The following NAALADL2 variants were observed in gnomAD, a reference collection of about 807,000 sequenced individuals.
NAALADL2 encodes the protein N-acetylated alpha-linked acidic dipeptidase like 2, also known as inactive N-acetylated-alpha-linked acidic dipeptidase-like protein 2.
In NAALADL2, 76 loss-of-function variants were observed where a neutral mutation model predicts 87.2. That is an observed-to-expected ratio of 0.87 (90% CI 0.72 to 1.05). NAALADL2 has a LOEUF of 1.05. NAALADL2 is among the 50% of genes least tolerant of loss of function. The probability of loss-of-function intolerance (pLI) is 0.00; values close to 1 mark genes in which losing one functional copy is unlikely to be tolerated. For synonymous variants in NAALADL2, 354 were observed against 331.0 expected (o/e 1.07, Z -0.75); for missense variants, 1,089 against 945.8 (o/e 1.15, Z -1.99).
At chr3:175,206,262 ATT>A (rs372246885) in intron 2 of NAALADL2, among the ~76,000 whole-genome samples, 5,681 of 103,000 alleles carry the variant, frequency 0.055, 308 homozygotes, top group Middle Eastern at 0.083. Flanking sequence ...ATATATATAT[ATT>A]TTTTTTTTTC....
chr3:174,843,663 G>T (rs1333220382), intron 3 of NAALADL2, among the ~76,000 whole-genome samples: 2 of 152,072 alleles, frequency 1.3e-5, no homozygotes, highest in African/African-American at 4.8e-5. Context: ...ACAACAATGT[G>T]TAAGTGTTCC....
intron 1 of NAALADL2, among the ~76,000 whole-genome samples, chr3:174,519,726 A>G (rs2108408722): frequency 6.6e-6 from 1 of 152,250 alleles, no homozygotes; most frequent in Non-Finnish European, 1.5e-5. Context: ...ACTAACCAGA[A>G]TTAAAAGCAA....
At chr3:175,579,937 C>T (rs1050772287) in intron 10 of NAALADL2, among the ~76,000 whole-genome samples, 3 of 152,122 alleles carry the variant, frequency 2.0e-5, no homozygotes, top group Non-Finnish European at 4.4e-5. Context: ...AATTGAAGCT[C>T]TGATTCCTCA....
At chr3:174,457,393 CACAT>C (rs1313209437) in intron 1 of NAALADL2, among the ~76,000 whole-genome samples, 1 of 152,176 alleles carries the variant, frequency 6.6e-6, no homozygotes, top group Non-Finnish European at 1.5e-5. Flanking sequence ...ATAATAAAGA[CACAT>C]GCATGTGTCA....
chr3:175,506,158 A>G (rs1283874444), intron 9 of NAALADL2, among the ~76,000 whole-genome samples: 1 of 152,192 alleles, frequency 6.6e-6, no homozygotes, highest in African/African-American at 2.4e-5. Context: ...CTTTTTGCTC[A>G]GGTGAAATGG....
intron 2 of NAALADL2, among the ~76,000 whole-genome samples, chr3:174,552,795 C>CAAAAAA (rs1164243901): frequency 1.3e-4 from 7 of 55,972 alleles, no homozygotes; most frequent in Admixed American, 2.3e-4. Context: ...GACCCTGCCT[C>CAAAAAA]AAAAAAAAAA....
rs1754834685 is a variant in NAALADL2 at position 175,807,754 on chromosome 3, T to C, written c.*4551T>C. On this transcript the variant is annotated 3_prime_UTR_variant, in exon 14 of 14. Coordinates refer to ENST00000454872, the MANE Select transcript of NAALADL2 (RefSeq NM_207015.3). ...TATTCTGCCCAGCCACACTGGTGAG[T>C]TTTTATTTCTTGTATGAGTTTAAAT... The C allele has an allele frequency of 6.6e-6, 1 of 151,660 alleles. No individual in the cohort carries two copies. The highest frequency in any genetic ancestry group is 1.5e-5 in the Non-Finnish European group (1 of 67,822). The allele number at this position is 151,660 out of a possible 1,614,324, so 9.4% of individuals were successfully genotyped here. A position where few individuals can be genotyped will look rare whatever the true frequency, so the allele number is the denominator to read the frequency against.
At chr3:175,192,861 A>G (rs75060190) in intron 2 of NAALADL2, among the ~76,000 whole-genome samples, 381 of 152,016 alleles carry the variant, frequency 2.5e-3, no homozygotes, top group South Asian at 5.4e-3. Flanking sequence ...AATGATTTTG[A>G]TCAGTTTAAA....
chr3:175,511,289 A>G (rs1582193678), intron 9 of NAALADL2, among the ~76,000 whole-genome samples: 1 of 152,210 alleles, frequency 6.6e-6, no homozygotes, highest in Admixed American at 6.5e-5. Context: ...CCTAGTCTCT[A>G]GTACCTCAGA....
chr3:175,164,260 T>A (rs1221572917), intron 2 of NAALADL2, among the ~76,000 whole-genome samples: 1 of 151,816 alleles, frequency 6.6e-6, no homozygotes, highest in East Asian at 1.9e-4. Context: ...AAAATATATG[T>A]AAATATGTAT....
intron 1 of NAALADL2, among the ~76,000 whole-genome samples, chr3:175,017,185 C>G (rs189255538): frequency 9.2e-5 from 14 of 151,644 alleles, no homozygotes; most frequent in Admixed American, 9.2e-4. Context: ...TTTTCCCTCA[C>G]ATTGCTTTTC....
chr3:175,256,617 G>C, intron 4 of NAALADL2, 87 bp downstream of exon 4: 2 of 1,340,712 alleles, frequency 1.5e-6, no homozygotes, highest in Middle Eastern at 3.8e-4. Flanking sequence ...TGTGGAGTGT[G>C]TGTGTGCATA....
chr3:175,135,727 T>G (rs778871526), intron 2 of NAALADL2, among the ~76,000 whole-genome samples: 1 of 152,120 alleles, frequency 6.6e-6, no homozygotes, highest in Non-Finnish European at 1.5e-5. Context: ...AACTGGAGGA[T>G]AGATAAAACT....
Position 175,639,534 on chromosome 3 carries a change from T to G in NAALADL2, c.1896+12148T>G, listed in dbSNP as rs9847170. 2.1e-3 allele frequency among the ~76,000 whole-genome samples: 318 copies of G among 151,854 alleles called. 1 individual carries two copies. The highest frequency in any genetic ancestry group is 7.4e-3 in the African/African-American group (306 of 41,406). On this transcript the variant is annotated intron_variant, in intron 11 of 13. Transcript: ENST00000454872. ...ACGGGGTTTCACAGTGTTAGCCAGGTTGGTCTTGATCTCCTGACCTCGTGA... is the reference window on the plus strand; with the variant it reads ...ACGGGGTTTCACAGTGTTAGCCAGGGTGGTCTTGATCTCCTGACCTCGTGA...
chr3:175,231,632 T>G (rs1560199460), intron 2 of NAALADL2, among the ~76,000 whole-genome samples: 1 of 152,132 alleles, frequency 6.6e-6, no homozygotes, highest in African/African-American at 2.4e-5. Context: ...ACAAAAGGAA[T>G]GGCAGATTAA....
intron 9 of NAALADL2, among the ~76,000 whole-genome samples, chr3:175,475,393 T>A (rs1220671711): frequency 1.3e-5 from 2 of 152,172 alleles, no homozygotes; most frequent in Non-Finnish European, 1.5e-5. Context: ...TATGCACCTC[T>A]CCCTATATGT....
chr3:175,513,774 G>A lies in NAALADL2; in HGVS notation c.1653+42016G>A, dbSNP rs114736988. Among the ~76,000 whole-genome samples the A allele has an allele frequency of 4.7e-3, 709 of 152,294 alleles. 8 individuals are homozygous for A. The highest frequency in any genetic ancestry group is 0.017 in the Middle Eastern group (5 of 292). On this transcript the variant is annotated intron_variant, in intron 9 of 13. Transcript: ENST00000454872. ...TGGATCCCAAGGACTTCAGAAAGATGTACATTAGTAGCCAATACAGTTATT... is the reference window on the plus strand; with the variant it reads ...TGGATCCCAAGGACTTCAGAAAGATATACATTAGTAGCCAATACAGTTATT...
chr3:174,561,823 T>C (rs1713653512), intron 2 of NAALADL2, among the ~76,000 whole-genome samples: 1 of 152,212 alleles, frequency 6.6e-6, no homozygotes, highest in African/African-American at 2.4e-5. Context: ...TGTCACATTA[T>C]TTTAAAAAAT....
At chr3:174,472,885 T>C (rs1716988975) in intron 1 of NAALADL2, among the ~76,000 whole-genome samples, 1 of 152,128 alleles carries the variant, frequency 6.6e-6, no homozygotes, top group African/African-American at 2.4e-5. Flanking sequence ...TTCTTTGCCA[T>C]ATTTGTGTTT....
Sources: gnomAD v4.1 joint callset for allele counts (sites outside exome capture counted in the v4.1 genomes callset) on GRCh38, gnomAD v4.1.1 for gene constraint, MANE v1.5 for transcripts, NCBI Gene and HGNC (gene_info 2026-07-23, HGNC 2026-07-21) for gene names.